Variants in TACR1 observed in about 807,000 individuals in gnomAD.
The protein encoded by TACR1 is tachykinin receptor 1.
Under a neutral mutation model 35.8 loss-of-function variants are expected in TACR1, and 25 were observed. That is an observed-to-expected ratio of 0.70 (90% confidence interval 0.51 to 0.98). The LOEUF (loss-of-function observed/expected upper bound fraction) is 0.98. Among genes scored for constraint, TACR1 ranks in the 50% least tolerant of loss-of-function variants. TACR1 has a pLI of 0.00. For synonymous variants in TACR1, 195 were observed against 206.7 expected (o/e 0.94, Z 0.48); for missense variants, 478 against 522.9 (o/e 0.91, Z 0.84).
At chr2:75,129,280 A>C (rs1376804862) in intron 1 of TACR1, among the ~76,000 whole-genome samples, 2 of 152,232 alleles carry the variant, frequency 1.3e-5, no homozygotes, top group Admixed American at 1.3e-4. Flanking sequence ...AGTATTGAGT[A>C]GTCCTCTCTG....
chr2:75,150,459 C>T (rs949341124), intron 1 of TACR1, among the ~76,000 whole-genome samples: 2 of 152,110 alleles, frequency 1.3e-5, no homozygotes, highest in African/African-American at 4.8e-5. Flanking sequence ...GTGAATGAGT[C>T]TCATGAGATC....
chr2:75,062,246 A>G (rs951042315), intron 2 of TACR1, among the ~76,000 whole-genome samples: 5 of 152,070 alleles, frequency 3.3e-5, no homozygotes, highest in African/African-American at 1.2e-4. Flanking sequence ...TCTCACTACA[A>G]GTACTATATA....
At chr2:75,189,006 T>C in intron 1 of TACR1, 1 of 152,236 alleles carries the variant, frequency 6.6e-6, no homozygotes, top group Non-Finnish European at 1.5e-5. Flanking sequence ...GATTCTTTTT[T>C]CTTTTTGGTC....
At position 75,078,601 on chromosome 2, in the gene TACR1, C is replaced by G. The variant is rs565789193; in HGVS notation, c.585-24846G>C. The stretch of plus-strand genomic sequence containing the variant: ...GCATCTTTGTTTGCTCTCCCATGTT[C>G]CACCTGAACCTACTCCAGTCACATC... On this transcript the variant is annotated intron_variant, in intron 2 of 4. Transcript: ENST00000305249. Among the ~76,000 whole-genome samples, 23 of 152,234 alleles carry G rather than the reference C, an allele frequency of 1.5e-4. No individual in the cohort carries two copies. The South Asian group carries it at 4.4e-3, about 29-fold the overall frequency.
intron 2 of TACR1, among the ~76,000 whole-genome samples, chr2:75,083,583 G>A (rs544083630): frequency 0.011 from 1,747 of 152,274 alleles, 14 homozygotes; most frequent in Non-Finnish European, 0.018. Flanking sequence ...CCATTTGTTT[G>A]TATCCTCTTT....
At chr2:75,179,478 C>G (rs1374447758) in intron 1 of TACR1, among the ~76,000 whole-genome samples, 1 of 152,182 alleles carries the variant, frequency 6.6e-6, no homozygotes, top group East Asian at 1.9e-4. Context: ...GATCATGTCC[C>G]TTCCCTGCTA....
At chr2:75,086,922 A>G (rs1673200088) in intron 2 of TACR1, among the ~76,000 whole-genome samples, 1 of 152,114 alleles carries the variant, frequency 6.6e-6, no homozygotes, top group African/African-American at 2.4e-5. Context: ...AAAATGTGAA[A>G]TCTTCAATCT....
intron 2 of TACR1, among the ~76,000 whole-genome samples, chr2:75,099,397 C>G (rs184942488): frequency 2.0e-5 from 3 of 152,336 alleles, no homozygotes; most frequent in South Asian, 2.1e-4. Flanking sequence ...TTACAATTCT[C>G]TCTGTGGAAA....
chr2:75,155,225 C>T (rs185252909), intron 1 of TACR1, among the ~76,000 whole-genome samples: 1 of 152,308 alleles, frequency 6.6e-6, no homozygotes, highest in Non-Finnish European at 1.5e-5. Context: ...CAGCTCCTAA[C>T]GTAGTTCTCC....
At chr2:75,079,733 T>A (rs941274991) in intron 2 of TACR1, among the ~76,000 whole-genome samples, 1 of 147,212 alleles carries the variant, frequency 6.8e-6, no homozygotes, top group Non-Finnish European at 1.5e-5. Context: ...CTAAACCTAA[T>A]GCCTTTTTTT....
intron 2 of TACR1, among the ~76,000 whole-genome samples, chr2:75,070,227 GTGTGTATGTGTGTGTGTGTGTGTGTA>G (rs1399253898): frequency 3.7e-4 from 37 of 99,404 alleles, no homozygotes; most frequent in African/African-American, 1.8e-3. Context: ...GTATGTGTGT[GTGTGTATGTGTGTGTGTGTGTGTGTA>G]TGTGTGTGTG....
intron 2 of TACR1, among the ~76,000 whole-genome samples, chr2:75,119,977 G>A (rs563635827): frequency 9.2e-5 from 14 of 152,284 alleles, no homozygotes; most frequent in East Asian, 3.9e-4. Flanking sequence ...AGGAAAGCTC[G>A]GACGTGATGT....
At chr2:75,061,942 G>A (rs1295848806) in intron 2 of TACR1, among the ~76,000 whole-genome samples, 2 of 152,110 alleles carry the variant, frequency 1.3e-5, no homozygotes, top group Non-Finnish European at 2.9e-5. Flanking sequence ...TTTTATATAC[G>A]ACTATTTCAT....
intron 1 of TACR1, among the ~76,000 whole-genome samples, chr2:75,126,599 A>C (rs1367000420): frequency 6.6e-6 from 1 of 152,228 alleles, no homozygotes; most frequent in African/African-American, 2.4e-5. Flanking sequence ...TTTCATTACA[A>C]GGACACCAAA....
chr2:75,154,411 CACACA>C (rs1674766058), intron 1 of TACR1: 1 of 59,084 alleles, frequency 1.7e-5, no homozygotes, highest in African/African-American at 5.0e-5. Context: ...AGCGCGCACG[CACACA>C]CACACACACA....
At chr2:75,077,708 G>T (rs1673007376) in intron 2 of TACR1, among the ~76,000 whole-genome samples, 1 of 152,204 alleles carries the variant, frequency 6.6e-6, no homozygotes, top group Non-Finnish European at 1.5e-5. Context: ...GAACAACACA[G>T]ACCAGCCCTC....
intron 2 of TACR1, among the ~76,000 whole-genome samples, chr2:75,093,177 C>T (rs1673341782): frequency 1.3e-5 from 2 of 152,180 alleles, no homozygotes; most frequent in Non-Finnish European, 2.9e-5. Context: ...ACAGCCTACA[C>T]ATGTTTAATC....
chr2:75,083,186 C>CT (rs1437657118), intron 2 of TACR1, among the ~76,000 whole-genome samples: 1 of 152,126 alleles, frequency 6.6e-6, no homozygotes, highest in Non-Finnish European at 1.5e-5. Flanking sequence ...ATAGGGAATC[C>CT]TTTTCCCATT....
chr2:75,166,681 G>A (rs1675150528), intron 1 of TACR1, among the ~76,000 whole-genome samples: 1 of 152,246 alleles, frequency 6.6e-6, no homozygotes, highest in African/African-American at 2.4e-5. Flanking sequence ...CAGCAAGTGA[G>A]TGGGCTAGAG....
Sources: allele counts gnomAD v4.1 joint callset (sites outside exome capture counted in the v4.1 genomes callset), GRCh38; gene constraint gnomAD v4.1.1; transcripts MANE v1.5; gene names NCBI Gene and HGNC (gene_info 2026-07-23, HGNC 2026-07-21).